Variants in LRRC27 observed in about 807,000 individuals in gnomAD.
The protein encoded by LRRC27 is leucine-rich repeat-containing protein 27.
In LRRC27, 57 loss-of-function variants were observed where a neutral mutation model predicts 55.0. The ratio of observed to expected loss-of-function variants is 1.04; its 90% CI spans 0.84 to 1.29. LRRC27 has a LOEUF of 1.29. LRRC27 is among the 50% of genes most tolerant of loss of function. The probability of loss-of-function intolerance (pLI) is 0.00; values close to 1 mark genes in which losing one functional copy is unlikely to be tolerated. For synonymous variants in LRRC27, 278 were observed against 251.9 expected, an observed-to-expected ratio of 1.10 and a Z score of -0.98; for missense variants, 721 against 651.5, an observed-to-expected ratio of 1.11 and a Z score of -1.16.
chr10:132,349,980 A>C (rs1201491154), intron 6 of LRRC27, among the ~76,000 whole-genome samples: 9 of 152,106 alleles, frequency 5.9e-5, no homozygotes, highest in African/African-American at 2.2e-4. Flanking sequence ...AAGAAGCTCT[A>C]AGATTATGGC....
upstream of LRRC27, among the ~76,000 whole-genome samples, chr10:132,331,021 T>A (rs557883838): frequency 2.7e-5 from 4 of 150,418 alleles, no homozygotes; most frequent in Non-Finnish European, 4.4e-5. Context: ...GCCAACATGA[T>A]GAAACCCCGT....
intron 10 of LRRC27, among the ~76,000 whole-genome samples, chr10:132,368,191 A>C (rs902174585): frequency 7.2e-5 from 11 of 152,268 alleles, no homozygotes; most frequent in African/African-American, 2.7e-4. Context: ...TTAATGAAAT[A>C]ACTGAATAAA....
chr10:132,363,590 G>A (rs112293401), intron 9 of LRRC27, among the ~76,000 whole-genome samples: 29 of 152,254 alleles, frequency 1.9e-4, no homozygotes, highest in African/African-American at 5.5e-4. Context: ...ACTGCTCTCC[G>A]GTGCCCCCGT....
rs1564834200 is a variant in LRRC27, at chr10:132,348,078, CG to C, written c.649del (p.Ala217LeufsTer8). On this transcript the variant is annotated frameshift_variant, in exon 6 of 11. Coordinates refer to ENST00000368614, the MANE Select transcript of LRRC27 (RefSeq NM_030626.3). LOFTEE classifies it high-confidence loss of function. This position sits in a 1 kb window ranked among gnomAD's most constrained non-coding sequence, Gnocchi z 4.2. ...DHASNQGAVNAQDPEGAVMKE... is the reference protein window; with the variant it reads ...DHASNQGAVNXQDPEGAVMKE... ...ACGCGTCTAACCAAGGAGCTGTGAA[CG>C]CTCAGGACCCAGAGGGGGCTGTGAT... 1 of 1,614,112 alleles carries C rather than the reference CG, an allele frequency of 6.2e-7. No individual in the cohort carries two copies. The highest frequency in any genetic ancestry group is 1.7e-5 in the Admixed American group (1 of 60,022).
At position 132,378,245 on chromosome 10, in the gene LRRC27, T is replaced by C. The variant is rs1283435245; in HGVS notation, c.*3003T>C. The stretch of plus-strand genomic sequence containing the variant: ...CTTTGAAGGTAATGGGTCTTTTTTC[T>C]TTGTCTTAAAATTGTTTCTCCTTAT... On this transcript the variant is annotated 3_prime_UTR_variant, in exon 11 of 11. Transcript: ENST00000368614. 2.0e-5 allele frequency: 3 copies of C among 152,216 alleles called. No homozygotes were observed. Among genetic ancestry groups the C allele is most frequent in the Non-Finnish European group, 2.9e-5 (2 of 68,042 alleles). 9.4% of individuals were successfully genotyped at this position (152,216 alleles called of 1,614,324 possible). A position where few individuals can be genotyped will look rare whatever the true frequency, so the allele number is the denominator to read the frequency against.
intron 7 of LRRC27, 143 bp downstream of exon 7, chr10:132,351,896 TC>T: frequency 9.3e-7 from 1 of 1,078,838 alleles, no homozygotes; most frequent in Non-Finnish European, 1.3e-6. Flanking sequence ...CGTCTCTTCC[TC>T]ACCTGGAAGC....
chr10:132,348,721 G>C lies in LRRC27; in HGVS notation c.926+365G>C, dbSNP rs2067847741. Among the ~76,000 whole-genome samples, 1 of 152,234 alleles carries C rather than the reference G, an allele frequency of 6.6e-6. No homozygotes were observed. Among genetic ancestry groups the C allele is most frequent in the Non-Finnish European group, 1.5e-5 (1 of 68,044 alleles). On this transcript the variant is annotated intron_variant, in intron 6 of 10. Coordinates refer to ENST00000368614, the MANE Select transcript of LRRC27 (RefSeq NM_030626.3). The surrounding 1 kb of genome is among the most constrained non-coding windows in gnomAD (Gnocchi z 4.2). ...GGGAAAGGAGGAAAGAACAGTAAAA[G>C]TGGGGGCAGGCAGTGAGCCAAGTGG...
At chr10:132,354,146 G>A (rs2068197045) in intron 7 of LRRC27, among the ~76,000 whole-genome samples, 1 of 152,216 alleles carries the variant, frequency 6.6e-6, no homozygotes, top group Non-Finnish European at 1.5e-5. Context: ...GCAGGGGGCA[G>A]AAAGGGCACT....
chr10:132,330,899 T>C (rs1018103970), upstream of LRRC27, among the ~76,000 whole-genome samples: 3 of 151,596 alleles, frequency 2.0e-5, no homozygotes, highest in Non-Finnish European at 4.4e-5. Context: ...AATTATGTCG[T>C]TTCCTTTAAA....
intron 5 of LRRC27, among the ~76,000 whole-genome samples, chr10:132,346,515 A>T (rs1237119257): frequency 6.6e-6 from 1 of 152,164 alleles, no homozygotes; most frequent in Non-Finnish European, 1.5e-5. Context: ...TCTCTACTAA[A>T]AATACAAAAA....
chr10:132,353,792 G>C (rs2068179069), intron 7 of LRRC27, among the ~76,000 whole-genome samples: 1 of 152,162 alleles, frequency 6.6e-6, no homozygotes, highest in Admixed American at 6.5e-5. Flanking sequence ...GCTCTACAGA[G>C]CCGGGCCCGT....
At position 132,347,275 on chromosome 10, in the gene LRRC27, C is replaced by A. The variant is rs181722707; in HGVS notation, c.554-709C>A. Among the ~76,000 whole-genome samples the A allele has an allele frequency of 1.8e-3, 268 of 151,364 alleles. 2 individuals carry two copies. The highest frequency in any genetic ancestry group is 6.3e-3 in the African/African-American group (261 of 41,202). On this transcript the variant is annotated intron_variant, in intron 5 of 10. Transcript: ENST00000368614. The stretch of plus-strand genomic sequence containing the variant: ...AAGGCCTATGTGGGAAGGTCAGGCG[C>A]GCCCGGTGGGGCCTGTGTGAGAGGG...
chr10:132,360,111 CATTTATTT>C (rs199791859), intron 8 of LRRC27, among the ~76,000 whole-genome samples: 1 of 151,990 alleles, frequency 6.6e-6, no homozygotes, highest in African/African-American at 2.4e-5. Flanking sequence ...CTGGATTTAG[CATTTATTT>C]ATTTATTTAT....
At chr10:132,362,607 G>A (rs372479775) in intron 9 of LRRC27, among the ~76,000 whole-genome samples, 28 of 152,028 alleles carry the variant, frequency 1.8e-4, no homozygotes, top group African/African-American at 6.5e-4. Flanking sequence ...CAGGGTTCCC[G>A]GGGGTTCACC....
At chr10:132,373,646 G>C (rs902473876) in intron 10 of LRRC27, among the ~76,000 whole-genome samples, 1 of 152,196 alleles carries the variant, frequency 6.6e-6, no homozygotes, top group Non-Finnish European at 1.5e-5. Context: ...TCTTTCTCCA[G>C]AAGCTACTGT....
chr10:132,348,122 T>A lies in LRRC27; in HGVS notation c.692T>A (p.Phe231Tyr). Residue 231 changes from phenylalanine to tyrosine, a missense_variant, in exon 6 of 11, where the codon TTT (phenylalanine) becomes TAT (tyrosine). Coordinates refer to ENST00000368614, the MANE Select transcript of LRRC27 (RefSeq NM_030626.3). The surrounding 1 kb of genome is among the most constrained non-coding windows in gnomAD (Gnocchi z 4.2). ...EGAVMKEKAS[F>Y]LPPVEKPDLS... ...GCTGTGATGAAAGAGAAGGCCAGCT[T>A]TCTCCCACCTGTGGAAAAGCCAGAC... is the stretch of plus-strand genomic sequence containing the variant. The A allele has an allele frequency of 6.2e-7, 1 of 1,614,052 alleles. No individual in the cohort carries two copies. Among genetic ancestry groups the A allele is most frequent in the African/African-American group, 1.3e-5 (1 of 75,034 alleles).
intron 9 of LRRC27, among the ~76,000 whole-genome samples, chr10:132,363,624 C>G (rs537826692): frequency 6.6e-6 from 1 of 152,206 alleles, no homozygotes; most frequent in Non-Finnish European, 1.5e-5. Context: ...GCACCAGGCT[C>G]GCTGTGGCTC....
intron 10 of LRRC27, among the ~76,000 whole-genome samples, chr10:132,370,304 G>T (rs896359428): frequency 6.6e-6 from 1 of 152,216 alleles, no homozygotes; most frequent in Non-Finnish European, 1.5e-5. Context: ...CCAAGTTACT[G>T]CCAAGATCCA....
chr10:132,362,596 T>TTTAAC (rs2068674159), intron 9 of LRRC27, among the ~76,000 whole-genome samples: 1 of 152,016 alleles, frequency 6.6e-6, no homozygotes, highest in African/African-American at 2.4e-5. Flanking sequence ...CAGCAGCTGT[T>TTTAAC]CAGGGTTCCC....
Sources: allele counts gnomAD v4.1 joint callset (sites outside exome capture counted in the v4.1 genomes callset), GRCh38; gene constraint gnomAD v4.1.1; non-coding constraint Gnocchi (gnomAD v3.1); transcripts MANE v1.5; gene names NCBI Gene and HGNC (gene_info 2026-07-23, HGNC 2026-07-21).